Variants in CATSPERB observed in about 807,000 individuals in gnomAD.
The protein encoded by CATSPERB is cation channel sperm-associated auxiliary subunit beta.
A neutral mutation model predicts 128.3 loss-of-function variants in CATSPERB; 93 were observed. The ratio of observed to expected loss-of-function variants is 0.72; its 90% CI spans 0.61 to 0.86. The LOEUF (loss-of-function observed/expected upper bound fraction) is 0.86, where lower values mean the gene tolerates loss of function less well. Among genes scored for constraint, CATSPERB ranks in the 40% least tolerant of loss-of-function variants. The probability of loss-of-function intolerance (pLI) is 0.00; values close to 1 mark genes in which losing one functional copy is unlikely to be tolerated. For missense variants in CATSPERB, 1,153 were observed against 1,329.5 expected, an observed-to-expected ratio of 0.87 and a Z score of 2.06; for synonymous variants, 381 against 448.8, an observed-to-expected ratio of 0.85 and a Z score of 1.91.
intron 22 of CATSPERB, among the ~76,000 whole-genome samples, chr14:91,593,075 G>A (rs967374123): frequency 3.9e-5 from 6 of 152,244 alleles, no homozygotes; most frequent in Admixed American, 2.6e-4. Flanking sequence ...GCCTGTGGGT[G>A]CACAGAAGTC....
intron 15 of CATSPERB, among the ~76,000 whole-genome samples, chr14:91,656,074 A>G (rs180832977): frequency 3.9e-5 from 6 of 152,290 alleles, no homozygotes; most frequent in Admixed American, 2.6e-4. Context: ...CCAGAATGGT[A>G]TATCTGGCAA....
chr14:91,649,373 G>A (rs1398279814), intron 15 of CATSPERB, among the ~76,000 whole-genome samples: 3 of 150,560 alleles, frequency 2.0e-5, no homozygotes, highest in African/African-American at 7.4e-5. Context: ...AGAGATTGTT[G>A]CCCCGGCTGG....
intron 7 of CATSPERB, among the ~76,000 whole-genome samples, chr14:91,699,636 C>T (rs761918336): frequency 8.0e-5 from 12 of 150,768 alleles, no homozygotes; most frequent in South Asian, 2.1e-4. Context: ...TGCAATGGCG[C>T]GGTCTCGGCT....
At chr14:91,657,149 T>C (rs1340996405) in intron 15 of CATSPERB, among the ~76,000 whole-genome samples, 1 of 152,002 alleles carries the variant, frequency 6.6e-6, no homozygotes, top group Non-Finnish European at 1.5e-5. Flanking sequence ...AAAAGAAACA[T>C]TGGACTTAAT....
At chr14:91,685,537 A>C (rs991446388) in intron 10 of CATSPERB, among the ~76,000 whole-genome samples, 2 of 152,194 alleles carry the variant, frequency 1.3e-5, no homozygotes, top group African/African-American at 4.8e-5. Flanking sequence ...AATAAGATAG[A>C]TCTTGACCGG....
At chr14:91,586,611 C>T (rs1893306570) in intron 26 of CATSPERB, among the ~76,000 whole-genome samples, 1 of 137,144 alleles carries the variant, frequency 7.3e-6, no homozygotes, top group African/African-American at 2.7e-5. Flanking sequence ...GTTAATGTAA[C>T]ATCAGCATTT....
chr14:91,684,371 A>T (rs944748086), intron 10 of CATSPERB, among the ~76,000 whole-genome samples: 5 of 152,232 alleles, frequency 3.3e-5, no homozygotes, highest in Admixed American at 3.3e-4. Context: ...AAAATTGGTC[A>T]TGAGAGACAA....
intron 11 of CATSPERB, among the ~76,000 whole-genome samples, chr14:91,675,289 T>C: frequency 6.6e-6 from 1 of 152,230 alleles, no homozygotes; most frequent in East Asian, 1.9e-4. Context: ...GGCATTTTCC[T>C]GGCAGCTGCT....
At chr14:91,728,964 C>T (rs1896164449) in intron 2 of CATSPERB, among the ~76,000 whole-genome samples, 1 of 152,222 alleles carries the variant, frequency 6.6e-6, no homozygotes, top group Non-Finnish European at 1.5e-5. Context: ...CAACCATAGT[C>T]TAAAAACATA....
At chr14:91,671,759 C>G (rs945229881) in intron 13 of CATSPERB, among the ~76,000 whole-genome samples, 1 of 151,842 alleles carries the variant, frequency 6.6e-6, no homozygotes, top group Non-Finnish European at 1.5e-5. Flanking sequence ...CGTCCAGGCT[C>G]GGTGGCTCAC....
intron 10 of CATSPERB, among the ~76,000 whole-genome samples, chr14:91,686,761 T>C (rs973509830): frequency 6.6e-6 from 1 of 152,238 alleles, no homozygotes; most frequent in Non-Finnish European, 1.5e-5. Context: ...CTAGGATGTA[T>C]TGTATCTATA....
chr14:91,717,353 C>A (rs1895960505), intron 5 of CATSPERB, among the ~76,000 whole-genome samples: 1 of 152,058 alleles, frequency 6.6e-6, no homozygotes, highest in Non-Finnish European at 1.5e-5. Flanking sequence ...TCATAGAATG[C>A]AAATTATACC....
intron 11 of CATSPERB, among the ~76,000 whole-genome samples, chr14:91,683,521 T>A (rs1266194578): frequency 6.6e-6 from 1 of 152,112 alleles, no homozygotes; most frequent in African/African-American, 2.4e-5. Flanking sequence ...TATCTAATTA[T>A]GCGATTGCTT....
At chr14:91,673,598 T>C (rs558654854) in intron 12 of CATSPERB, among the ~76,000 whole-genome samples, 1 of 152,270 alleles carries the variant, frequency 6.6e-6, no homozygotes, top group African/African-American at 2.4e-5. Context: ...AAAAAATCCT[T>C]AATGTGGCTG....
rs1433873750 is a variant in CATSPERB, at chr14:91,589,514, C to A, written c.2956+20G>T. The A allele has an allele frequency of 6.3e-7, 1 of 1,599,898 alleles. No individual in the cohort carries two copies. Among genetic ancestry groups the A allele is most frequent in the East Asian group, 2.2e-5 (1 of 44,668 alleles). ...TATTACTTATCAGATAAAATAATTACAGATGAAAGCAAACCCTACTCAGTT... is the reference window on the plus strand; with the variant it reads ...TATTACTTATCAGATAAAATAATTAAAGATGAAAGCAAACCCTACTCAGTT... On this transcript the variant is annotated intron_variant, in intron 24 of 26. Coordinates refer to ENST00000256343, the MANE Select transcript of CATSPERB (RefSeq NM_024764.4).
At chr14:91,661,889 C>T (rs1894894444) in intron 14 of CATSPERB, among the ~76,000 whole-genome samples, 1 of 152,114 alleles carries the variant, frequency 6.6e-6, no homozygotes, top group African/African-American at 2.4e-5. Flanking sequence ...AGATTACAGT[C>T]CCACCAGTAG....
chr14:91,669,538 T>A (rs1284098407), intron 14 of CATSPERB, among the ~76,000 whole-genome samples: 1 of 152,198 alleles, frequency 6.6e-6, no homozygotes, highest in East Asian at 1.9e-4. Flanking sequence ...ATCTAAGTAA[T>A]TCAGAGCTGG....
rs766618176 is a variant in CATSPERB at position 91,624,813 on chromosome 14, T to C, written c.1930+7A>G. The C allele has an allele frequency of 1.1e-5, 18 of 1,578,882 alleles. No individual in the cohort carries two copies. The highest frequency in any genetic ancestry group is 1.5e-5 in the Non-Finnish European group (17 of 1,166,248). Reference sequence around the variant, plus strand: ...CCATCAGAGATGTATGATATTATTATACCTACCTTGTGAATCAAGAGTGAG... The same window carrying C: ...CCATCAGAGATGTATGATATTATTACACCTACCTTGTGAATCAAGAGTGAG... On this transcript the variant is annotated splice_region_variant and intron_variant, in intron 18 of 26. Transcript: ENST00000256343.
At chr14:91,605,784 G>T (rs988546835) in intron 22 of CATSPERB, among the ~76,000 whole-genome samples, 1 of 152,022 alleles carries the variant, frequency 6.6e-6, no homozygotes, top group Non-Finnish European at 1.5e-5. Flanking sequence ...CCATCTTTCA[G>T]TCTTGACTCA....
Sources: allele counts gnomAD v4.1 joint callset (sites outside exome capture counted in the v4.1 genomes callset), GRCh38; gene constraint gnomAD v4.1.1; transcripts MANE v1.5; gene names NCBI Gene and HGNC (gene_info 2026-07-23, HGNC 2026-07-21).